CACNA1B: variants seen among roughly 807,000 people sequenced by gnomAD.
The protein encoded by CACNA1B is voltage-dependent N-type calcium channel subunit alpha-1B.
In CACNA1B, 70 loss-of-function variants were observed where a neutral mutation model predicts 247.2. The observed-to-expected ratio is 0.28, with a 90% CI of 0.23 to 0.35. The LOEUF (loss-of-function observed/expected upper bound fraction) is 0.35, where lower values mean the gene tolerates loss of function less well. Among genes scored for constraint, CACNA1B ranks in the 10% least tolerant of loss-of-function variants. CACNA1B has a pLI of 1.00. For synonymous variants in CACNA1B, 1,231 were observed against 1,294.4 expected (o/e 0.95, Z 1.05); for missense variants, 2,367 against 3,197.4 (o/e 0.74, Z 6.26).
intron 15 of CACNA1B, among the ~76,000 whole-genome samples, chr9:138,006,162 C>T (rs572840093): frequency 6.6e-6 from 1 of 151,956 alleles, no homozygotes; most frequent in South Asian, 2.1e-4. Context: ...GGAGGGGGAC[C>T]ATTGCACATG....
chr9:138,045,542 T>C (rs1027081485), intron 21 of CACNA1B, among the ~76,000 whole-genome samples: 1 of 152,198 alleles, frequency 6.6e-6, no homozygotes, highest in African/African-American at 2.4e-5. Context: ...ACCCAGTTTC[T>C]GCCTGACAGT....
At position 138,010,687 on chromosome 9, in the gene CACNA1B, A is replaced by G. The variant is rs969386766; in HGVS notation, c.2160+610A>G. ...ACCACGCTGCAAACGTCCCACGTGC[A>G]TGCTCTGCACATCAGTGTGTACCTG... On this transcript the variant is annotated intron_variant, in intron 17 of 46. Transcript: ENST00000371372. This position sits in a 1 kb window ranked among gnomAD's most constrained non-coding sequence, Gnocchi z 5.3. Among the ~76,000 whole-genome samples the G allele has an allele frequency of 2.0e-5, 3 of 152,120 alleles. No individual in the cohort carries two copies. Among genetic ancestry groups the G allele is most frequent in the African/African-American group, 4.8e-5 (2 of 41,410 alleles).
At chr9:137,987,117 G>T (rs1347621912) in intron 15 of CACNA1B, among the ~76,000 whole-genome samples, 3 of 152,146 alleles carry the variant, frequency 2.0e-5, no homozygotes, top group African/African-American at 2.4e-5. Context: ...GTTCCCGGGG[G>T]GCCCAGCTGG....
intron 6 of CACNA1B, among the ~76,000 whole-genome samples, chr9:137,925,151 CA>C (rs1481125350): frequency 6.6e-6 from 1 of 152,198 alleles, no homozygotes; most frequent in African/African-American, 2.4e-5. Context: ...CAGTCACCAC[CA>C]CAACAGGAAA....
chr9:138,058,506 C>G lies in CACNA1B; in HGVS notation c.4309-63C>G, dbSNP rs1352900496. 7.0e-7 allele frequency: 1 copy of G among 1,438,276 alleles called. No homozygotes were observed. Among genetic ancestry groups the G allele is most frequent in the South Asian group, 1.3e-5 (1 of 77,992 alleles). The allele number at this position is 1,438,276 out of a possible 1,614,324, so 89.1% of individuals were successfully genotyped here. The stretch of plus-strand genomic sequence containing the variant: ...AGGCCTGGCGAGACAGGGCTGGGTG[C>G]AGTAGATGCCGTCGGGTAGGTTTTC... On this transcript the variant is annotated intron_variant, in intron 28 of 46. Transcript: ENST00000371372. The surrounding 1 kb of genome is among the most constrained non-coding windows in gnomAD (Gnocchi z 4.7).
rs1001287278 is a variant in CACNA1B, at chr9:137,983,816, T to C, written c.1657-322T>C. Among the ~76,000 whole-genome samples, 4 of 146,758 alleles carry C rather than the reference T, an allele frequency of 2.7e-5. No homozygotes were observed. In the East Asian group the frequency reaches 6.1e-4, roughly 22 times the overall value. The stretch of plus-strand genomic sequence containing the variant: ...CTGTGGTCAAGCACAGAGGAGGTAT[T>C]AGACCAGGTGGTTGTAAGGTCTGCC... On this transcript the variant is annotated intron_variant, in intron 12 of 46. Coordinates refer to ENST00000371372, the MANE Select transcript of CACNA1B (RefSeq NM_000718.4).
At position 137,899,635 on chromosome 9, in the gene CACNA1B, C is replaced by T. The variant is rs1021732976; in HGVS notation, c.531-13545C>T. 3.9e-5 allele frequency among the ~76,000 whole-genome samples: 6 copies of T among 152,144 alleles called. No individual in the cohort carries two copies. Among genetic ancestry groups the T allele is most frequent in the African/African-American group, 9.7e-5 (4 of 41,432 alleles). ...GAGGGGATGCTGTGGCGTCTTTGGC[C>T]GAGAACTGCCGGCTCTCTCCATGGC... On this transcript the variant is annotated intron_variant, in intron 3 of 46. Coordinates refer to ENST00000371372, the MANE Select transcript of CACNA1B (RefSeq NM_000718.4). The surrounding 1 kb of genome is among the most constrained non-coding windows in gnomAD (Gnocchi z 5.0).
At chr9:138,028,921 G>C (rs1217519479) in intron 20 of CACNA1B, among the ~76,000 whole-genome samples, 1 of 152,174 alleles carries the variant, frequency 6.6e-6, no homozygotes, top group East Asian at 1.9e-4. Flanking sequence ...TCAGCATATG[G>C]CTGCTTCTCT....
chr9:138,120,842 G>A lies in CACNA1B; in HGVS notation c.6450G>A (p.Thr2150=), dbSNP rs201816109. 49 of 1,572,488 alleles carry A rather than the reference G, an allele frequency of 3.1e-5. No homozygotes were observed. The African/African-American group carries it at 3.9e-4, about 13-fold the overall frequency. The part of the protein sequence containing the change: ...KPKPSLSSHP[T]SPTAGQEPGP... ...AGCCCTCCCTCAGCAGCCACCCAACGTCGCCAACAGCTGGCCAGGAGCCGG... is the reference window on the plus strand; with the variant it reads ...AGCCCTCCCTCAGCAGCCACCCAACATCGCCAACAGCTGGCCAGGAGCCGG... Residue 2150 remains threonine (T), a synonymous_variant, in exon 46 of 47, where the codon ACG becomes ACA. Transcript: ENST00000371372.
At chr9:137,969,640 G>GGT (rs1958121802) in intron 10 of CACNA1B, among the ~76,000 whole-genome samples, 1 of 152,232 alleles carries the variant, frequency 6.6e-6, no homozygotes, top group Non-Finnish European at 1.5e-5. Flanking sequence ...TGTGTCCACA[G>GGT]GTGTGTGCCT....
chr9:138,043,689 G>A (rs1007716656), intron 20 of CACNA1B, 85 bp from the exon 21 acceptor site: 247 of 1,510,530 alleles, frequency 1.6e-4, no homozygotes, highest in Non-Finnish European at 2.1e-4. Context: ...CGCAAGTGCC[G>A]GGGGCATGGG....
At chr9:137,879,220 T>C in intron 2 of CACNA1B, 61 bp downstream of exon 2, 2 of 1,087,442 alleles carry the variant, frequency 1.8e-6, no homozygotes, top group Non-Finnish European at 2.7e-6. Context: ...CACTTTCCTT[T>C]ATGGTCTGTG....
At chr9:138,065,201 A>T (rs1378619485) in intron 31 of CACNA1B, among the ~76,000 whole-genome samples, 9 of 152,128 alleles carry the variant, frequency 5.9e-5, no homozygotes, top group Non-Finnish European at 4.4e-5. Flanking sequence ...TCTTCCAGCC[A>T]TCCTCATCCA....
In CACNA1B at chr9:138,050,230, G is replaced by A. The variant is rs116172059; in HGVS notation, c.3710+915G>A. On this transcript the variant is annotated intron_variant, in intron 24 of 46. Coordinates refer to ENST00000371372, the MANE Select transcript of CACNA1B (RefSeq NM_000718.4). The surrounding 1 kb of genome is among the most constrained non-coding windows in gnomAD (Gnocchi z 5.2). ...GCATGCTGCCGGGAGCCAAGTCCCC[G>A]GCCAGGGGTTCCTGCCATGCCTCTG... 3,188 of 557,964 alleles carry A rather than the reference G, an allele frequency of 5.7e-3. 72 individuals carry two copies. The highest frequency in any genetic ancestry group is 0.055 in the African/African-American group (2,869 of 51,962). 34.6% of individuals were successfully genotyped at this position (557,964 alleles called of 1,614,324 possible).
In CACNA1B at chr9:137,888,146, G is replaced by C. The variant is rs1245698614; in HGVS notation, c.530+5263G>C. ...GAGCCGGAAGCAGTGATCCAGGTGGGAGTGGTGAGGGTTTGTACCAGGGAG... is the reference window on the plus strand; with the variant it reads ...GAGCCGGAAGCAGTGATCCAGGTGGCAGTGGTGAGGGTTTGTACCAGGGAG... On this transcript the variant is annotated intron_variant, in intron 3 of 46. Transcript: ENST00000371372. The surrounding 1 kb of genome is among the most constrained non-coding windows in gnomAD (Gnocchi z 4.7). Among the ~76,000 whole-genome samples, 43 of 152,130 alleles carry C rather than the reference G, an allele frequency of 2.8e-4. No individual in the cohort carries two copies. Among genetic ancestry groups the C allele is most frequent in the African/African-American group, 9.6e-4 (40 of 41,506 alleles).
At position 137,882,057 on chromosome 9, in the gene CACNA1B, G is replaced by C. The variant is rs763950137; in HGVS notation, c.391-687G>C. On this transcript the variant is annotated intron_variant, in intron 2 of 46. Transcript: ENST00000371372. The surrounding 1 kb of genome is among the most constrained non-coding windows in gnomAD (Gnocchi z 4.0). ...CAGGGTCCTCACAGATGTGGCGGTC[G>C]TCGCTCAGCACACTCAGGGCTGAGG... Among the ~76,000 whole-genome samples the C allele has an allele frequency of 5.3e-5, 8 of 152,186 alleles. No individual in the cohort carries two copies. The highest frequency in any genetic ancestry group is 1.9e-4 in the African/African-American group (8 of 41,442).
intron 10 of CACNA1B, among the ~76,000 whole-genome samples, chr9:137,966,418 T>A (rs1958076956): frequency 6.6e-6 from 1 of 151,538 alleles, no homozygotes; most frequent in Non-Finnish European, 1.5e-5. Flanking sequence ...TAGCAGAGAC[T>A]GGGTTTCACC....
chr9:137,961,221 T>C (rs1814679128), intron 10 of CACNA1B, among the ~76,000 whole-genome samples: 1 of 152,232 alleles, frequency 6.6e-6, no homozygotes, highest in African/African-American at 2.4e-5. Context: ...TATATAAGAA[T>C]GCTGGCGATT....
chr9:138,065,732 C>T (rs532428278), intron 31 of CACNA1B, among the ~76,000 whole-genome samples: 1 of 152,302 alleles, frequency 6.6e-6, no homozygotes, highest in East Asian at 1.9e-4. Context: ...GTTTTCTTCC[C>T]CAGAGTAATT....
Sources: allele counts gnomAD v4.1 joint callset (sites outside exome capture counted in the v4.1 genomes callset), GRCh38; gene constraint gnomAD v4.1.1; non-coding constraint Gnocchi (gnomAD v3.1); transcripts MANE v1.5; gene names NCBI Gene and HGNC (gene_info 2026-07-23, HGNC 2026-07-21).